BAALC: variants seen among roughly 807,000 people sequenced by gnomAD.
BAALC encodes BAALC binder of MAP3K1 and KLF4.
BAALC carries 9 observed loss-of-function variants against 15.5 expected under a neutral mutation model. The ratio of observed to expected loss-of-function variants is 0.58; its 90% CI spans 0.35 to 1.02. The LOEUF (loss-of-function observed/expected upper bound fraction) is 1.02, where lower values mean the gene tolerates loss of function less well. Among genes scored for constraint, BAALC ranks in the 50% least tolerant of loss-of-function variants. The pLI, the probability that BAALC is intolerant of heterozygous loss-of-function variation, is 0.02. For missense variants in BAALC, 201 were observed against 192.4 expected (o/e 1.04, Z -0.27); for synonymous variants, 80 against 74.6 (o/e 1.07, Z -0.37).
In BAALC at chr8:103,180,115, G is replaced by A. The variant is rs78589070; in HGVS notation, c.161-32804G>A. On this transcript the variant is annotated intron_variant, in intron 1 of 2. Coordinates refer to ENST00000309982, the MANE Select transcript of BAALC (RefSeq NM_024812.3). The stretch of plus-strand genomic sequence containing the variant: ...AAATGGGGAGCTGTGAAGAACAAGT[G>A]GAAGAAAGGAGCAGATTTATAGCCA... Among the ~76,000 whole-genome samples, 787 of 152,298 alleles carry A rather than the reference G, an allele frequency of 5.2e-3. 6 individuals carry two copies. Among genetic ancestry groups the A allele is most frequent in the African/African-American group, 0.018 (764 of 41,572 alleles).
At chr8:103,219,716 C>A (rs9656787) in intron 2 of BAALC, among the ~76,000 whole-genome samples, 31,946 of 152,122 alleles carry the variant, frequency 0.21, 3,446 homozygotes, top group East Asian at 0.3. Flanking sequence ...CAAATATCCC[C>A]TGACTGACCT....
chr8:103,188,438 C>T (rs563751610), intron 1 of BAALC, among the ~76,000 whole-genome samples: 13 of 152,214 alleles, frequency 8.5e-5, no homozygotes, highest in African/African-American at 2.2e-4. Context: ...GGATAAGGGA[C>T]GTTGAGGGAC....
intron 1 of BAALC, chr8:103,183,277 T>C: frequency 1.4e-6 from 1 of 692,768 alleles, no homozygotes; most frequent in Non-Finnish European, 2.6e-6. Flanking sequence ...CCAAAGATGA[T>C]GGGAAGTGGA....
At chr8:103,187,124 G>A (rs1811857316) in intron 1 of BAALC, among the ~76,000 whole-genome samples, 1 of 152,070 alleles carries the variant, frequency 6.6e-6, no homozygotes, top group Admixed American at 6.6e-5. Context: ...CTCCCTCGAT[G>A]TTCTTCCTCC....
At chr8:103,190,089 G>A (rs546720083) in intron 1 of BAALC, among the ~76,000 whole-genome samples, 1 of 152,296 alleles carries the variant, frequency 6.6e-6, no homozygotes, top group African/African-American at 2.4e-5. Context: ...GAAGGGAAAT[G>A]ATAGGCCACC....
chr8:103,216,738 A>G (rs1007290027), intron 2 of BAALC, among the ~76,000 whole-genome samples: 1 of 152,194 alleles, frequency 6.6e-6, no homozygotes, highest in African/African-American at 2.4e-5. Flanking sequence ...ACCCTACCAA[A>G]GTGCTAGGAT....
intron 1 of BAALC, chr8:103,198,271 T>C (rs13255229): frequency 0.13 from 75,705 of 563,348 alleles, 6,023 homozygotes; most frequent in Non-Finnish European, 0.16. Flanking sequence ...TTTGATAGCA[T>C]ATTTGATGAT....
At chr8:103,181,567 C>T (rs766591054) in intron 1 of BAALC, among the ~76,000 whole-genome samples, 4 of 152,128 alleles carry the variant, frequency 2.6e-5, no homozygotes, top group South Asian at 2.1e-4. Context: ...CCACCTCGCC[C>T]GGCCAGGAAT....
At chr8:103,176,198 T>C (rs965450555) in intron 1 of BAALC, among the ~76,000 whole-genome samples, 1 of 152,212 alleles carries the variant, frequency 6.6e-6, no homozygotes, top group African/African-American at 2.4e-5. Context: ...CATTTATTAC[T>C]TCTACTATTT....
At chr8:103,197,284 C>T (rs1178662449) in intron 1 of BAALC, among the ~76,000 whole-genome samples, 1 of 152,066 alleles carries the variant, frequency 6.6e-6, no homozygotes, top group African/African-American at 2.4e-5. Context: ...CTGGCACCAG[C>T]AGCAGGACCT....
intron 2 of BAALC, among the ~76,000 whole-genome samples, chr8:103,215,910 G>T (rs1812544139): frequency 6.6e-6 from 1 of 152,216 alleles, no homozygotes; most frequent in Non-Finnish European, 1.5e-5. Flanking sequence ...TAACCATCAT[G>T]CAGATGAAGA....
chr8:103,191,142 T>C (rs1811958306), intron 1 of BAALC: 1 of 151,932 alleles, frequency 6.6e-6, no homozygotes, highest in Non-Finnish European at 1.5e-5. Flanking sequence ...GAGGTTGCAG[T>C]GAGCCAAGAT....
At chr8:103,179,579 C>T (rs1273730170) in intron 1 of BAALC, among the ~76,000 whole-genome samples, 1 of 152,196 alleles carries the variant, frequency 6.6e-6, no homozygotes, top group East Asian at 1.9e-4. Context: ...CTGAGGAATA[C>T]CAGTGGAGAT....
chr8:103,227,562 G>C (rs760231184), intron 2 of BAALC, among the ~76,000 whole-genome samples: 4 of 152,142 alleles, frequency 2.6e-5, no homozygotes, highest in Admixed American at 6.6e-5. Flanking sequence ...TGAGACAAAT[G>C]CATATTTTAC....
intron 1 of BAALC, among the ~76,000 whole-genome samples, chr8:103,155,742 G>A (rs996955593): frequency 3.9e-5 from 6 of 152,240 alleles, no homozygotes; most frequent in African/African-American, 1.2e-4. Context: ...TCAAACAAAC[G>A]TCCCACCCCA....
intron 1 of BAALC, among the ~76,000 whole-genome samples, chr8:103,146,800 C>T (rs1317993453): frequency 6.6e-6 from 1 of 152,196 alleles, no homozygotes; most frequent in Non-Finnish European, 1.5e-5. Context: ...AAAATCACTG[C>T]AAGAGACAAG....
intron 1 of BAALC, among the ~76,000 whole-genome samples, chr8:103,205,797 A>G (rs1297272192): frequency 6.6e-6 from 1 of 152,116 alleles, no homozygotes; most frequent in Non-Finnish European, 1.5e-5. Flanking sequence ...TGCTAATACC[A>G]CAAGCTTTGG....
At chr8:103,186,940 A>C (rs1009127587) in intron 1 of BAALC, among the ~76,000 whole-genome samples, 2 of 152,172 alleles carry the variant, frequency 1.3e-5, no homozygotes, top group African/African-American at 2.4e-5. Context: ...TCAGAGAGCT[A>C]TTTCACTGTT....
intron 1 of BAALC, among the ~76,000 whole-genome samples, chr8:103,182,927 A>G (rs1182164379): frequency 6.6e-6 from 1 of 152,166 alleles, no homozygotes; most frequent in Non-Finnish European, 1.5e-5. Flanking sequence ...ACAGGTCTTC[A>G]TTCACTCTCA....
Sources: gnomAD v4.1 joint callset for allele counts (sites outside exome capture counted in the v4.1 genomes callset) on GRCh38, gnomAD v4.1.1 for gene constraint, MANE v1.5 for transcripts, NCBI Gene and HGNC (gene_info 2026-07-23, HGNC 2026-07-21) for gene names.